The following ANTXR1 variants were observed in gnomAD, a reference collection of about 807,000 sequenced individuals.
The protein encoded by ANTXR1 is ANTXR cell adhesion molecule 1.
ANTXR1 carries 19 observed loss-of-function variants against 78.1 expected under a neutral mutation model. That is an observed-to-expected ratio of 0.24 (90% CI 0.17 to 0.36). The LOEUF (loss-of-function observed/expected upper bound fraction) is 0.36, where lower values mean the gene tolerates loss of function less well. ANTXR1 is among the 10% of genes least tolerant of loss of function. The pLI, the probability that ANTXR1 is intolerant of heterozygous loss-of-function variation, is 1.00. For synonymous variants in ANTXR1, 273 were observed against 260.5 expected, an observed-to-expected ratio of 1.05 and a Z score of -0.46; for missense variants, 518 against 718.6, an observed-to-expected ratio of 0.72 and a Z score of 3.19.
intron 16 of ANTXR1, among the ~76,000 whole-genome samples, chr2:69,187,408 C>G (rs1460852200): frequency 6.6e-6 from 1 of 151,476 alleles, no homozygotes; most frequent in African/African-American, 2.4e-5. Context: ...GGCAAATTTT[C>G]TTAAAAACCA....
intron 17 of ANTXR1, among the ~76,000 whole-genome samples, chr2:69,238,651 G>C (rs1675827016): frequency 6.6e-6 from 1 of 152,136 alleles, no homozygotes; most frequent in African/African-American, 2.4e-5. Context: ...CAACTGACTT[G>C]GGAAACCTAA....
intron 17 of ANTXR1, among the ~76,000 whole-genome samples, chr2:69,217,449 T>C (rs11680427): frequency 0.37 from 55,679 of 152,050 alleles, 11,371 homozygotes; most frequent in East Asian, 0.69. Flanking sequence ...TAGGTGAGAG[T>C]GTAAGAATAG....
intron 10 of ANTXR1, among the ~76,000 whole-genome samples, chr2:69,116,102 C>A (rs1672135853): frequency 6.6e-6 from 1 of 152,230 alleles, no homozygotes; most frequent in Non-Finnish European, 1.5e-5. Flanking sequence ...TTCAAAATCT[C>A]TTTTTCTAGA....
Position 69,090,845 on chromosome 2 carries a change from T to A in ANTXR1, c.643-14T>A. 1 of 1,612,758 alleles carries A rather than the reference T, an allele frequency of 6.2e-7. No individual in the cohort carries two copies. Among genetic ancestry groups the A allele is most frequent in the Non-Finnish European group, 8.5e-7 (1 of 1,179,922 alleles). On this transcript the variant is annotated splice_polypyrimidine_tract_variant and intron_variant, in intron 8 of 17. Transcript: ENST00000303714. ...TAAGCTGTGCATTGACTCTTTTATT[T>A]CCGCTCCTCCTAGATTTTGAAGAAG...
rs555059881 is a variant in ANTXR1 at position 69,029,006 on chromosome 2, C to A, written c.153-11038C>A. Among the ~76,000 whole-genome samples, 110 of 151,704 alleles carry A rather than the reference C, an allele frequency of 7.3e-4. 2 individuals are homozygous for A. The highest frequency in any genetic ancestry group is 2.5e-3 in the African/African-American group (104 of 41,258). ...CCAAGACGGGCAGATTACTTGAGGT[C>A]AGGAGTTCGAGACCAGCCTGGGCAA... is the stretch of plus-strand genomic sequence containing the variant. On this transcript the variant is annotated intron_variant, in intron 1 of 17. Transcript: ENST00000303714.
intron 8 of ANTXR1, among the ~76,000 whole-genome samples, chr2:69,081,928 G>A (rs559237281): frequency 6.6e-6 from 1 of 152,364 alleles, no homozygotes; most frequent in South Asian, 2.1e-4. Context: ...GATACTAAAA[G>A]TTCAGAGAGA....
intron 17 of ANTXR1, among the ~76,000 whole-genome samples, chr2:69,223,951 A>T (rs888060293): frequency 1.3e-5 from 2 of 152,158 alleles, no homozygotes; most frequent in Non-Finnish European, 2.9e-5. Flanking sequence ...AGAGTTTTCA[A>T]CTCTGGCATA....
chr2:69,109,538 A>G (rs1477095843), intron 10 of ANTXR1, among the ~76,000 whole-genome samples: 2 of 152,254 alleles, frequency 1.3e-5, no homozygotes, highest in Non-Finnish European at 2.9e-5. Context: ...GCCCATAAAC[A>G]GAACCAAACA....
At chr2:69,179,691 T>C (rs1320187306) in intron 14 of ANTXR1, among the ~76,000 whole-genome samples, 1 of 152,192 alleles carries the variant, frequency 6.6e-6, no homozygotes, top group Non-Finnish European at 1.5e-5. Context: ...TGAGTTCAAA[T>C]CCAGCTCTGT....
At chr2:69,194,833 A>G (rs959023416) in intron 17 of ANTXR1, among the ~76,000 whole-genome samples, 1 of 151,772 alleles carries the variant, frequency 6.6e-6, no homozygotes, top group African/African-American at 2.4e-5. Context: ...CCTGGGCGAC[A>G]GAATGAGACT....
intron 12 of ANTXR1, among the ~76,000 whole-genome samples, chr2:69,150,963 G>A (rs1673374726): frequency 6.6e-6 from 1 of 152,100 alleles, no homozygotes; most frequent in Non-Finnish European, 1.5e-5. Context: ...GTTCAAGGCT[G>A]CAGTGAGCTA....
At chr2:69,164,641 C>G (rs1673779472) in intron 13 of ANTXR1, among the ~76,000 whole-genome samples, 1 of 152,168 alleles carries the variant, frequency 6.6e-6, no homozygotes, top group South Asian at 2.1e-4. Context: ...CCCTAATTCC[C>G]AGGGAGCCAT....
At chr2:69,163,486 A>G (rs72827676) in intron 13 of ANTXR1, among the ~76,000 whole-genome samples, 2 of 151,828 alleles carry the variant, frequency 1.3e-5, no homozygotes, top group South Asian at 2.1e-4. Context: ...GTTTTTCAGC[A>G]TGGTCTCTGA....
chr2:69,108,405 G>T (rs1013861312), intron 10 of ANTXR1, among the ~76,000 whole-genome samples: 2 of 152,148 alleles, frequency 1.3e-5, no homozygotes, highest in Non-Finnish European at 2.9e-5. Context: ...CTTTGCCAGT[G>T]TTCAGCAACG....
intron 12 of ANTXR1, among the ~76,000 whole-genome samples, chr2:69,140,744 T>C (rs1179681135): frequency 6.6e-6 from 1 of 152,260 alleles, no homozygotes. Flanking sequence ...AGTTTGGAGA[T>C]AATTAGATTC....
chr2:69,085,903 T>C (rs1415358977), intron 8 of ANTXR1, among the ~76,000 whole-genome samples: 1 of 152,242 alleles, frequency 6.6e-6, no homozygotes, highest in Non-Finnish European at 1.5e-5. Flanking sequence ...CTTAGACAAC[T>C]GAACAGATGT....
intron 13 of ANTXR1, among the ~76,000 whole-genome samples, chr2:69,166,747 G>A (rs1673836552): frequency 6.6e-6 from 1 of 152,202 alleles, no homozygotes; most frequent in South Asian, 2.1e-4. Context: ...CCATAACCAG[G>A]AGGATGCTCA....
chr2:69,111,516 A>G (rs1348583938), intron 10 of ANTXR1, among the ~76,000 whole-genome samples: 1 of 152,276 alleles, frequency 6.6e-6, no homozygotes, highest in Non-Finnish European at 1.5e-5. Context: ...AATTGAGTTT[A>G]TAGGCCATGT....
chr2:69,096,253 G>T (rs968900793), intron 9 of ANTXR1, among the ~76,000 whole-genome samples: 2 of 141,352 alleles, frequency 1.4e-5, no homozygotes, highest in Non-Finnish European at 3.0e-5. Flanking sequence ...GCGAGACTCC[G>T]TCAAAAGGAA....
Sources: gnomAD v4.1 joint callset for allele counts (sites outside exome capture counted in the v4.1 genomes callset) on GRCh38, gnomAD v4.1.1 for gene constraint, MANE v1.5 for transcripts, NCBI Gene and HGNC (gene_info 2026-07-23, HGNC 2026-07-21) for gene names.